ABCC10: variants seen among roughly 807,000 people sequenced by gnomAD.
ABCC10 encodes ATP binding cassette subfamily C member 10, also known as ATP-binding cassette sub-family C member 10.
A neutral mutation model predicts 143.2 loss-of-function variants in ABCC10; 110 were observed. The ratio of observed to expected loss-of-function variants is 0.77; its 90% CI spans 0.66 to 0.90. The LOEUF is 0.90. Ranked by LOEUF, ABCC10 falls within the 40% of genes least tolerant of loss-of-function variation. The pLI is 0.00. For synonymous variants in ABCC10, 805 were observed against 846.7 expected, an observed-to-expected ratio of 0.95 and a Z score of 0.85; for missense variants, 1,700 against 1,900.5, an observed-to-expected ratio of 0.89 and a Z score of 1.96.
At chr6:43,446,642 T>A in intron 16 of ABCC10, 196 bp downstream of exon 16, 1 of 985,314 alleles carries the variant, frequency 1.0e-6, no homozygotes, top group Non-Finnish European at 1.2e-6. Flanking sequence ...CAGGTGGTGG[T>A]GGCTTGGGGA....
At chr6:43,438,535 G>T in intron 7 of ABCC10, 89 bp from the exon 8 acceptor site, 1 of 1,530,604 alleles carries the variant, frequency 6.5e-7, no homozygotes, top group Non-Finnish European at 8.7e-7. Context: ...GAAGACAGCA[G>T]CCTGGGGAGG....
chr6:43,435,072 G>C (rs1045256545), intron 4 of ABCC10: 5 of 549,548 alleles, frequency 9.1e-6, no homozygotes, highest in African/African-American at 3.8e-5. Flanking sequence ...TTTCACTCCA[G>C]CTTCTATTCA....
Position 43,435,812 on chromosome 6 carries a change from T to G in ABCC10, c.1670T>G (p.Val557Gly). 2 of 1,614,146 alleles carry G rather than the reference T, an allele frequency of 1.2e-6. No homozygotes were observed. The highest frequency in any genetic ancestry group is 1.7e-6 in the Non-Finnish European group (2 of 1,180,020). ...CTTCCTCTCAACAACTTCCCTTGGG[T>G]GATCAATGGTCTCCTGGAGGCCAAA... ...LILPLNNFPW[V>G]INGLLEAKVS... is the part of the protein sequence containing the mutation. The change falls in exon 5 of 22, where the codon GTG becomes GGG. Residue 557 changes from valine to glycine, a missense_variant. Val to Gly is a moderately radical substitution (Grantham distance 109). Transcript: ENST00000372530.
At chr6:43,429,372 T>TGTGTGTGTGTGTG (rs1554200963) in intron 2 of ABCC10, among the ~76,000 whole-genome samples, 2 of 98,186 alleles carry the variant, frequency 2.0e-5, no homozygotes, top group African/African-American at 1.0e-4. Flanking sequence ...CTTTTCTTTC[T>TGTGTGTGTGTGTG]TGTGTGTGTG....
chr6:43,441,985 T>G (rs1395093449), intron 9 of ABCC10, 25 bp downstream of exon 9: 1 of 1,604,974 alleles, frequency 6.2e-7, no homozygotes, highest in Admixed American at 1.7e-5. Context: ...GAGGTTGCAG[T>G]GGCAGGGAGG....
At position 43,450,051 on chromosome 6, in the gene ABCC10, G is replaced by A. The variant is rs2127417263; in HGVS notation, c.4439G>A (p.Ser1480Asn). Reference protein sequence around the residue: ...PHSLFQQLLQSSQQGVPASLG... With the variant: ...PHSLFQQLLQNSQQGVPASLG... The stretch of plus-strand genomic sequence containing the variant: ...TCCCTGTTCCAGCAGCTGCTGCAGA[G>A]CAGCCAGCAGGGAGTCCCTGCCTCA... The change falls in exon 22 of 22, where the codon AGC (serine) becomes AAC (asparagine). Residue 1480 changes from serine to asparagine, a missense_variant. Physicochemically the swap from Ser to Asn is conservative, Grantham distance 46 (BLOSUM62 1). Coordinates refer to ENST00000372530, the MANE Select transcript of ABCC10 (RefSeq NM_001198934.2). This position sits in a 1 kb window ranked among gnomAD's most constrained non-coding sequence, Gnocchi z 4.5. 2 of 1,610,962 alleles carry A rather than the reference G, an allele frequency of 1.2e-6. No individual in the cohort carries two copies. Among genetic ancestry groups the A allele is most frequent in the East Asian group, 2.2e-5 (1 of 44,804 alleles).
intron 7 of ABCC10, 114 bp downstream of exon 7, chr6:43,438,127 G>A: frequency 8.3e-7 from 1 of 1,204,608 alleles, no homozygotes; most frequent in Non-Finnish European, 1.2e-6. Context: ...AGCAACGCAT[G>A]GTCCCTTTAT....
chr6:43,444,678 G>A (rs928616468), intron 12 of ABCC10, 110 bp from the exon 13 acceptor site: 25 of 1,455,898 alleles, frequency 1.7e-5, no homozygotes, highest in African/African-American at 5.7e-5. Context: ...CAGGCCAGGC[G>A]GATGGAGATG....
At chr6:43,445,478 A>C (rs1782951435) in intron 14 of ABCC10, 121 bp from the exon 15 acceptor site, 1 of 1,368,472 alleles carries the variant, frequency 7.3e-7, no homozygotes. Flanking sequence ...TTCTGGGGAT[A>C]TTTTAGTCCT....
intron 4 of ABCC10, chr6:43,435,065 C>T (rs917909762): frequency 3.5e-6 from 2 of 565,250 alleles, no homozygotes; most frequent in Non-Finnish European, 6.3e-6. Context: ...CTCTACCTTT[C>T]ACTCCAGCTT....
chr6:43,443,280 C>A lies in ABCC10; in HGVS notation c.2416+121C>A. The A allele has an allele frequency of 1.9e-6, 2 of 1,049,342 alleles. No individual in the cohort carries two copies. The highest frequency in any genetic ancestry group is 1.8e-5 in the South Asian group (1 of 54,864). 65.0% of individuals were successfully genotyped at this position (1,049,342 alleles called of 1,614,324 possible). On this transcript the variant is annotated intron_variant, in intron 10 of 21. Transcript: ENST00000372530. The surrounding 1 kb of genome is among the most constrained non-coding windows in gnomAD (Gnocchi z 4.2). ...CTGAGCCAGTCATTGCTGCCTCCCG[C>A]CTTCACAGAACTGGTGTGAGGAACT...
intron 16 of ABCC10, 34 bp downstream of exon 16, chr6:43,446,480 C>T (rs773322373): frequency 6.3e-7 from 1 of 1,587,662 alleles, no homozygotes; most frequent in Admixed American, 1.7e-5. Flanking sequence ...CTACCTCATC[C>T]ACAAGTTAGT....
rs1040210753 is a variant in ABCC10 at position 43,438,781 on chromosome 6, A to G, written c.2113A>G (p.Asn705Asp). 6.2e-7 allele frequency: 1 copy of G among 1,614,144 alleles called. No individual in the cohort carries two copies. Among genetic ancestry groups the G allele is most frequent in the African/African-American group, 1.3e-5 (1 of 75,046 alleles). ...YKEVLEACAL[N>D]DDLSILPAGD... is the part of the protein sequence containing the mutation. ...GGAGGTGCTAGAAGCCTGCGCCCTC[A>G]ATGATGACCTCAGTGTGAGTGCCTG... is the stretch of plus-strand genomic sequence containing the variant. The change falls in exon 8 of 22, where the codon AAT becomes GAT. Residue 705 changes from asparagine to aspartate, a missense_variant. Physicochemically the swap from Asn to Asp is conservative, Grantham distance 23. Coordinates refer to ENST00000372530, the MANE Select transcript of ABCC10 (RefSeq NM_001198934.2).
chr6:43,430,667 T>A (rs1781028131), intron 2 of ABCC10: 1 of 152,138 alleles, frequency 6.6e-6, no homozygotes, highest in South Asian at 2.1e-4. Flanking sequence ...CCTCTTTTTG[T>A]ATGAACTTTC....
At chr6:43,435,057 C>G (rs1365981985) in intron 4 of ABCC10, 4 of 575,176 alleles carry the variant, frequency 7.0e-6, no homozygotes, top group East Asian at 5.8e-5. Context: ...TTCCTCTCCT[C>G]TACCTTTCAC....
At chr6:43,435,544 T>A (rs1490699363) in intron 4 of ABCC10, among the ~76,000 whole-genome samples, 2 of 150,862 alleles carry the variant, frequency 1.3e-5, no homozygotes. Context: ...AAAAAAAAAA[T>A]GCAACCTGAA....
chr6:43,442,823 G>C (rs1374015320), intron 9 of ABCC10, 147 bp from the exon 10 acceptor site: 1 of 674,958 alleles, frequency 1.5e-6, no homozygotes, highest in African/African-American at 1.8e-5. Context: ...TGCCTGAAGG[G>C]ATGTCCACCC....
Position 43,444,307 on chromosome 6 carries a change from C to T in ABCC10, c.2643C>T (p.Gly881=). 1.2e-6 allele frequency: 2 copies of T among 1,613,544 alleles called. No individual in the cohort carries two copies. The highest frequency in any genetic ancestry group is 8.5e-7 in the Non-Finnish European group (1 of 1,179,756). ...HVYQAYWKAV[G]QGLALAILFS... Reference sequence around the variant, plus strand: ...ACCAAGCTTACTGGAAGGCCGTGGGCCAGGGCTTGGCCTTAGCCATCCTCT... The same window carrying T: ...ACCAAGCTTACTGGAAGGCCGTGGGTCAGGGCTTGGCCTTAGCCATCCTCT... Residue 881 remains glycine (G), a synonymous_variant, in exon 12 of 22, where the codon GGC becomes GGT. Transcript: ENST00000372530.
intron 9 of ABCC10, 22 bp from the exon 10 acceptor site, chr6:43,442,948 C>G (rs538074778): frequency 1.3e-6 from 2 of 1,546,090 alleles, no homozygotes; most frequent in African/African-American, 2.7e-5. Context: ...CTGGTGCCCA[C>G]GGTACCCTCA....
Sources: gnomAD v4.1 joint callset for allele counts (sites outside exome capture counted in the v4.1 genomes callset) on GRCh38, gnomAD v4.1.1 for gene constraint, Gnocchi (gnomAD v3.1) non-coding constraint, MANE v1.5 for transcripts, NCBI Gene and HGNC (gene_info 2026-07-23, HGNC 2026-07-21) for gene names.